Variants in CNIH3 observed in about 807,000 individuals in gnomAD.
CNIH3 encodes protein cornichon homolog 3.
A neutral mutation model predicts 24.1 loss-of-function variants in CNIH3; 14 were observed. The observed-to-expected ratio is 0.58, with a 90% CI of 0.38 to 0.91. The LOEUF is 0.91. CNIH3 is among the 40% of genes least tolerant of loss of function. The probability of loss-of-function intolerance (pLI) is 0.00; values close to 1 mark genes in which losing one functional copy is unlikely to be tolerated. For synonymous variants in CNIH3, 68 were observed against 73.8 expected, an observed-to-expected ratio of 0.92 and a Z score of 0.40; for missense variants, 178 against 196.8, an observed-to-expected ratio of 0.90 and a Z score of 0.57.
intron 3 of CNIH3, among the ~76,000 whole-genome samples, chr1:224,699,091 C>T (rs74146250): frequency 0.02 from 3,113 of 152,244 alleles, 96 homozygotes; most frequent in African/African-American, 0.067. Flanking sequence ...CCCTACTTTT[C>T]CCAGAATACT....
intron 4 of CNIH3, among the ~76,000 whole-genome samples, chr1:224,566,640 T>G (rs1680594357): frequency 6.6e-6 from 1 of 152,204 alleles, no homozygotes; most frequent in Non-Finnish European, 1.5e-5. Context: ...GTTCCTGTGA[T>G]AGTTCGCTGA....
chr1:224,529,874 G>A (rs1169157422), intron 2 of CNIH3, among the ~76,000 whole-genome samples: 6 of 152,212 alleles, frequency 3.9e-5, no homozygotes, highest in African/African-American at 1.4e-4. Flanking sequence ...CCATAACGAG[G>A]GGTTAGAGAC....
chr1:224,502,823 T>C (rs1175123547), intron 1 of CNIH3, among the ~76,000 whole-genome samples: 1 of 152,020 alleles, frequency 6.6e-6, no homozygotes, highest in African/African-American at 2.4e-5. Context: ...AAGGAAGCCG[T>C]GGATTTAAAC....
At chr1:224,500,080 T>G (rs1161889104) in intron 1 of CNIH3, among the ~76,000 whole-genome samples, 1 of 152,038 alleles carries the variant, frequency 6.6e-6, no homozygotes, top group African/African-American at 2.4e-5. Flanking sequence ...CATGGCTCAC[T>G]GTAGCCTTGA....
intron 1 of CNIH3, among the ~76,000 whole-genome samples, chr1:224,662,455 A>G (rs1685410332): frequency 1.3e-5 from 2 of 152,192 alleles, no homozygotes; most frequent in Non-Finnish European, 2.9e-5. Flanking sequence ...AAATCACACA[A>G]AGATCATTTT....
chr1:224,627,659 G>A lies in CNIH3; in HGVS notation c.81+10404G>A, dbSNP rs574598070. Among the ~76,000 whole-genome samples the A allele has an allele frequency of 3.6e-4, 55 of 152,332 alleles. 1 individual carries two copies. The highest frequency in any genetic ancestry group is 3.1e-3 in the Admixed American group (48 of 15,302). On this transcript the variant is annotated intron_variant, in intron 1 of 5. Coordinates refer to ENST00000272133, the MANE Select transcript of CNIH3 (RefSeq NM_152495.2). ...GGGTCCTGTGTACACTAGCAGACCCGTGGGGACTGAGGCCCGCTCCTGCAG... is the reference window on the plus strand; with the variant it reads ...GGGTCCTGTGTACACTAGCAGACCCATGGGGACTGAGGCCCGCTCCTGCAG...
intron 1 of CNIH3, among the ~76,000 whole-genome samples, chr1:224,671,588 T>G (rs1685869988): frequency 6.6e-6 from 1 of 152,256 alleles, no homozygotes; most frequent in Non-Finnish European, 1.5e-5. Flanking sequence ...TGGACATTGC[T>G]AACGACCTCT....
At chr1:224,444,767 T>C (rs1159965180) in intron 1 of CNIH3, among the ~76,000 whole-genome samples, 1 of 151,918 alleles carries the variant, frequency 6.6e-6, no homozygotes, top group Non-Finnish European at 1.5e-5. Flanking sequence ...GCCTCAGCCT[T>C]TTGAATGGAT....
intron 1 of CNIH3, among the ~76,000 whole-genome samples, chr1:224,493,294 A>G (rs1677306292): frequency 6.6e-6 from 1 of 152,222 alleles, no homozygotes; most frequent in Admixed American, 6.5e-5. Context: ...CAGAACATAA[A>G]GGAAGTTTGC....
intron 1 of CNIH3, among the ~76,000 whole-genome samples, chr1:224,484,623 C>T (rs1426310589): frequency 1.3e-5 from 2 of 151,982 alleles, no homozygotes; most frequent in African/African-American, 4.8e-5. Context: ...TTTTATGTCC[C>T]CATCTCTCCT....
At chr1:224,486,564 C>T (rs1377426320) in intron 1 of CNIH3, among the ~76,000 whole-genome samples, 1 of 152,082 alleles carries the variant, frequency 6.6e-6, no homozygotes, top group Non-Finnish European at 1.5e-5. Flanking sequence ...CACTTATATG[C>T]CTATATATAC....
At chr1:224,618,848 T>C (rs1308013754) in intron 1 of CNIH3, among the ~76,000 whole-genome samples, 2 of 152,210 alleles carry the variant, frequency 1.3e-5, no homozygotes, top group East Asian at 3.8e-4. Context: ...CTGGGTCTAA[T>C]CTATAGTAGA....
chr1:224,563,291 C>G (rs1179605121), intron 3 of CNIH3, among the ~76,000 whole-genome samples: 1 of 152,042 alleles, frequency 6.6e-6, no homozygotes, highest in East Asian at 1.9e-4. Flanking sequence ...AAGACAGTCA[C>G]CTCACAAGGG....
At chr1:224,552,778 A>G (rs1364672754) in intron 3 of CNIH3, among the ~76,000 whole-genome samples, 1 of 151,632 alleles carries the variant, frequency 6.6e-6, no homozygotes, top group Non-Finnish European at 1.5e-5. Context: ...TCCCTGTGAT[A>G]TTAGGAGTAA....
At chr1:224,621,303 C>T (rs1683266742) in intron 1 of CNIH3, among the ~76,000 whole-genome samples, 1 of 152,210 alleles carries the variant, frequency 6.6e-6, no homozygotes, top group Non-Finnish European at 1.5e-5. Flanking sequence ...AGTGTTTTGC[C>T]AGTTCCACCT....
chr1:224,491,219 A>G (rs1485618030), intron 1 of CNIH3, among the ~76,000 whole-genome samples: 1 of 152,196 alleles, frequency 6.6e-6, no homozygotes, highest in South Asian at 2.1e-4. Context: ...GTTTGCTTCT[A>G]TGAGGTTTCG....
At chr1:224,649,472 T>C (rs1684765435) in intron 1 of CNIH3, among the ~76,000 whole-genome samples, 1 of 152,212 alleles carries the variant, frequency 6.6e-6, no homozygotes. Context: ...AAATTTGTGG[T>C]AATTTATTAT....
At chr1:224,592,875 A>G (rs114039093), downstream of CNIH3, among the ~76,000 whole-genome samples, 2 of 152,222 alleles carry the variant, frequency 1.3e-5, no homozygotes, top group African/African-American at 2.4e-5. Context: ...CAGGTGTGGA[A>G]GGAGCCAGGG....
chr1:224,537,126 A>AAAACTAC (rs1679318252), downstream of CNIH3: 1 of 152,258 alleles, frequency 6.6e-6, no homozygotes, highest in Non-Finnish European at 1.5e-5. Context: ...AAAGGAAAAA[A>AAAACTAC]AAACTACATA....
Sources: allele counts gnomAD v4.1 joint callset (sites outside exome capture counted in the v4.1 genomes callset), GRCh38; gene constraint gnomAD v4.1.1; transcripts MANE v1.5; gene names NCBI Gene and HGNC (gene_info 2026-07-23, HGNC 2026-07-21).